HMGA2: variants seen among roughly 807,000 people sequenced by gnomAD.
HMGA2 encodes high mobility group AT-hook 2, also known as high mobility group protein HMGI-C.
In HMGA2, 8 loss-of-function variants were observed where a neutral mutation model predicts 19.1. The observed-to-expected ratio is 0.42, with a 90% CI of 0.25 to 0.76. The LOEUF is 0.76. Ranked by LOEUF, HMGA2 falls within the 30% of genes least tolerant of loss-of-function variation. The pLI is 0.28. For synonymous variants in HMGA2, 60 were observed against 48.8 expected, an observed-to-expected ratio of 1.23 and a Z score of -0.96; for missense variants, 109 against 136.3, an observed-to-expected ratio of 0.80 and a Z score of 1.00.
intron 3 of HMGA2, among the ~76,000 whole-genome samples, chr12:65,930,746 C>T (rs748201763): frequency 3.5e-4 from 53 of 152,236 alleles, no homozygotes; most frequent in Non-Finnish European, 6.8e-4. Flanking sequence ...ATTGGTATTA[C>T]GAGCTGACTT....
chr12:65,831,472 A>G (rs1439392642), intron 2 of HMGA2, among the ~76,000 whole-genome samples: 1 of 151,872 alleles, frequency 6.6e-6, no homozygotes, highest in Non-Finnish European at 1.5e-5. Flanking sequence ...AAAAGATCTC[A>G]GGTGTGAGAT....
intron 3 of HMGA2, among the ~76,000 whole-genome samples, chr12:65,850,802 G>C (rs1871427502): frequency 6.6e-6 from 1 of 152,024 alleles, no homozygotes; most frequent in Admixed American, 6.5e-5. Flanking sequence ...AGTTATCTTT[G>C]GTAGAAAAAC....
rs543855804 is a variant in HMGA2 at position 65,860,658 on chromosome 12, C to G, written c.249+22089C>G. ...AAATACGTGGCTAGGCTACTCAGGTCATTCCCACAAAATGATTTCTTTAAA... is the reference window on the plus strand; with the variant it reads ...AAATACGTGGCTAGGCTACTCAGGTGATTCCCACAAAATGATTTCTTTAAA... On this transcript the variant is annotated intron_variant, in intron 3 of 4. Transcript: ENST00000403681. Among the ~76,000 whole-genome samples, 3 of 152,302 alleles carry G rather than the reference C, an allele frequency of 2.0e-5. No homozygotes were observed. The South Asian group carries it at 6.2e-4, about 32-fold the overall frequency.
At chr12:65,876,266 A>G (rs993102694) in intron 3 of HMGA2, among the ~76,000 whole-genome samples, 7 of 152,156 alleles carry the variant, frequency 4.6e-5, no homozygotes, top group Non-Finnish European at 7.3e-5. Flanking sequence ...ATAGAAGCTC[A>G]CAGAATGGAT....
intron 4 of HMGA2, chr12:65,953,261 T>C (rs970546256): frequency 2.0e-5 from 3 of 152,220 alleles, no homozygotes; most frequent in Non-Finnish European, 2.9e-5. Context: ...AGAAGATGTC[T>C]GAACATTTGT....
At chr12:65,935,497 G>GGTTTTTCTTTTTT (rs1372669099) in intron 3 of HMGA2, among the ~76,000 whole-genome samples, 6 of 152,020 alleles carry the variant, frequency 3.9e-5, no homozygotes, top group Admixed American at 3.9e-4. Context: ...TTTGAATTTG[G>GGTTTTTCTTTTTT]GTTTTTCTTT....
Position 65,824,984 on chromosome 12 carries a change from C to G in HMGA2, c.-287C>G, listed in dbSNP as rs1870066921. 2.4e-6 allele frequency: 1 copy of G among 409,516 alleles called. No homozygotes were observed. The highest frequency in any genetic ancestry group is 4.7e-5 in the Admixed American group (1 of 21,412). 25.4% of individuals were successfully genotyped at this position (409,516 alleles called of 1,614,324 possible). ...CTCCTCTTGCTACCTCCACCTCCAC[C>G]GCCACCTCCACCTCCGGCACCCACC... On this transcript the variant is annotated 5_prime_UTR_variant, in exon 1 of 5. Transcript: ENST00000403681.
In HMGA2 at chr12:65,931,551, TTGTGTGTG is replaced by T. The variant is rs60877869; in HGVS notation, c.250-19800_250-19793del. Among the ~76,000 whole-genome samples the T allele has an allele frequency of 8.3e-3, 1,193 of 144,178 alleles. 11 individuals carry two copies. Among genetic ancestry groups the T allele is most frequent in the East Asian group, 0.051 (249 of 4,920 alleles). The allele number at this position is 144,178 out of a possible 152,430, so 94.6% of individuals were successfully genotyped here. On this transcript the variant is annotated intron_variant, in intron 3 of 4. Transcript: ENST00000403681. ...ACCCAGGAGCTAAGTTTATAGATGT[TTGTGTGTG>T]TGTGTGTGTGTGTGTGTGTGTGTGT...
At chr12:65,826,332 G>C (rs1028340475) in intron 1 of HMGA2, 5 of 152,314 alleles carry the variant, frequency 3.3e-5, no homozygotes, top group African/African-American at 1.2e-4. Flanking sequence ...TTGCAGAGCT[G>C]CGCTCAGCGC....
chr12:65,837,628 T>C (rs901799895), intron 2 of HMGA2, among the ~76,000 whole-genome samples: 4 of 152,164 alleles, frequency 2.6e-5, no homozygotes. Context: ...GTGATATGTG[T>C]GTGTATTGGT....
chr12:65,842,655 G>A, intron 3 of HMGA2: 1 of 1,532,846 alleles, frequency 6.5e-7, no homozygotes, highest in Non-Finnish European at 8.7e-7. Context: ...GTCATGTGGT[G>A]TTCATCAGTT....
intron 2 of HMGA2, chr12:65,830,646 A>G (rs1477578141): frequency 1.3e-5 from 2 of 151,952 alleles, no homozygotes; most frequent in Non-Finnish European, 2.9e-5. Context: ...TACAAAGTTT[A>G]TATTTGGATT....
intron 3 of HMGA2, among the ~76,000 whole-genome samples, chr12:65,862,215 A>G (rs1337535232): frequency 6.6e-6 from 1 of 152,202 alleles, no homozygotes; most frequent in Middle Eastern, 3.4e-3. Flanking sequence ...TAACAAAAGA[A>G]TAAGCATTGG....
intron 3 of HMGA2, among the ~76,000 whole-genome samples, chr12:65,905,690 T>A (rs914647797): frequency 6.6e-5 from 10 of 152,232 alleles, no homozygotes; most frequent in African/African-American, 2.4e-4. Flanking sequence ...ACATAAGGAA[T>A]ATTTTTCTTT....
intron 3 of HMGA2, among the ~76,000 whole-genome samples, chr12:65,887,925 AT>A (rs1208594134): frequency 6.6e-6 from 1 of 151,650 alleles, no homozygotes; most frequent in Admixed American, 6.6e-5. Context: ...TGTTAATCTA[AT>A]TGCCCCTTCC....
chr12:65,957,932 A>G (rs550693886), intron 4 of HMGA2: 17 of 152,370 alleles, frequency 1.1e-4, no homozygotes, highest in African/African-American at 4.1e-4. Flanking sequence ...TAGGTAAAGA[A>G]ATAATCACAG....
chr12:65,897,969 A>C (rs1376924108), intron 3 of HMGA2, among the ~76,000 whole-genome samples: 5 of 152,088 alleles, frequency 3.3e-5, no homozygotes, highest in Non-Finnish European at 7.4e-5. Flanking sequence ...CATCTCAAAA[A>C]AAAAAAAAAA....
rs144304404 is a variant in HMGA2, at chr12:65,889,729, A to G, written c.249+51160A>G. Among the ~76,000 whole-genome samples the G allele has an allele frequency of 1.5e-3, 225 of 152,326 alleles. 7 individuals are homozygous for G. The East Asian group carries it at 0.032, about 22-fold the overall frequency. On this transcript the variant is annotated intron_variant, in intron 3 of 4. Transcript: ENST00000403681. ...GATTATCTTCTTTCTTTCTCACAGCAACTCAGTGCGGTAGACTCTGTTATC... is the reference window on the plus strand; with the variant it reads ...GATTATCTTCTTTCTTTCTCACAGCGACTCAGTGCGGTAGACTCTGTTATC...
chr12:65,887,270 A>G (rs989243152), intron 3 of HMGA2, among the ~76,000 whole-genome samples: 2 of 152,174 alleles, frequency 1.3e-5, no homozygotes, highest in Non-Finnish European at 2.9e-5. Flanking sequence ...ATGAGTCACC[A>G]TATGGAAGAG....
Sources: allele counts gnomAD v4.1 joint callset (sites outside exome capture counted in the v4.1 genomes callset), GRCh38; gene constraint gnomAD v4.1.1; transcripts MANE v1.5; gene names NCBI Gene and HGNC (gene_info 2026-07-23, HGNC 2026-07-21).